The following SSBP2 variants were observed in gnomAD, a reference collection of about 807,000 sequenced individuals.
SSBP2 encodes the protein single stranded DNA binding protein 2, also known as single-stranded DNA-binding protein 2.
Under a neutral mutation model 61.8 loss-of-function variants are expected in SSBP2, and 17 were observed. The ratio of observed to expected loss-of-function variants is 0.28; its 90% CI spans 0.19 to 0.41. The LOEUF is 0.41. Among genes scored for constraint, SSBP2 ranks in the 10% least tolerant of loss-of-function variants. The pLI, the probability that SSBP2 is intolerant of heterozygous loss-of-function variation, is 1.00. For synonymous variants in SSBP2, 139 were observed against 141.3 expected (o/e 0.98, Z 0.12); for missense variants, 310 against 458.7 (o/e 0.68, Z 2.96).
At chr5:81,592,031 C>T (rs531261226) in intron 4 of SSBP2, among the ~76,000 whole-genome samples, 2 of 152,320 alleles carry the variant, frequency 1.3e-5, no homozygotes, top group East Asian at 1.9e-4. Context: ...CGAAGCAGGG[C>T]GAGGCATCGC....
intron 9 of SSBP2, among the ~76,000 whole-genome samples, 157 bp downstream of exon 9, chr5:81,466,817 C>A (rs752995299): frequency 3.3e-5 from 5 of 151,890 alleles, no homozygotes; most frequent in Admixed American, 6.6e-5. Context: ...CATTTTTATA[C>A]CACACAGAGA....
intron 1 of SSBP2, among the ~76,000 whole-genome samples, chr5:81,650,832 C>T (rs1302739393): frequency 1.3e-5 from 2 of 152,098 alleles, no homozygotes; most frequent in African/African-American, 2.4e-5. Flanking sequence ...TCAGCAACTT[C>T]TCCTTATTCT....
intron 3 of SSBP2, among the ~76,000 whole-genome samples, chr5:81,625,016 A>G (rs887358672): frequency 6.6e-6 from 1 of 152,114 alleles, no homozygotes; most frequent in African/African-American, 2.4e-5. Flanking sequence ...AAAATTGCTC[A>G]CTTGCTCAAA....
chr5:81,513,856 T>C (rs1580885339), intron 4 of SSBP2, 139 bp from the exon 5 acceptor site: 1 of 557,462 alleles, frequency 1.8e-6, no homozygotes, highest in South Asian at 2.2e-5. Flanking sequence ...ATCCTAGAAG[T>C]AAACTGAGAT....
At chr5:81,447,745 C>T (rs1165574514) in intron 11 of SSBP2, among the ~76,000 whole-genome samples, 1 of 152,060 alleles carries the variant, frequency 6.6e-6, no homozygotes, top group Non-Finnish European at 1.5e-5. Context: ...TGTATTTGCA[C>T]AACTTAAAAT....
intron 6 of SSBP2, among the ~76,000 whole-genome samples, 173 bp downstream of exon 6, chr5:81,489,077 T>TA (rs1172533399): frequency 6.6e-6 from 1 of 152,036 alleles, no homozygotes; most frequent in African/African-American, 2.4e-5. Flanking sequence ...ACTTTATTTA[T>TA]AAAAAATAGC....
intron 3 of SSBP2, chr5:81,616,008 G>C (rs417684): frequency 0.24 from 37,389 of 153,062 alleles, 6,060 homozygotes; most frequent in East Asian, 0.69. Flanking sequence ...AAATTATATT[G>C]TTTAAACAAA....
At chr5:81,647,662 C>A (rs544698040) in intron 2 of SSBP2, among the ~76,000 whole-genome samples, 5 of 151,992 alleles carry the variant, frequency 3.3e-5, no homozygotes, top group Non-Finnish European at 7.4e-5. Flanking sequence ...TTCAGTTTGA[C>A]GTCTCGTGTG....
intron 4 of SSBP2, among the ~76,000 whole-genome samples, chr5:81,553,374 T>C (rs528012328): frequency 6.6e-6 from 1 of 152,144 alleles, no homozygotes; most frequent in South Asian, 2.1e-4. Context: ...ATAAGGGAAA[T>C]AGCAGGATTG....
intron 14 of SSBP2, among the ~76,000 whole-genome samples, chr5:81,439,107 A>T (rs1358892363): frequency 6.6e-6 from 1 of 152,210 alleles, no homozygotes; most frequent in African/African-American, 2.4e-5. Context: ...GGTTATTGAA[A>T]GATTTTCCAA....
chr5:81,656,052 T>C (rs1210330899), intron 1 of SSBP2, among the ~76,000 whole-genome samples: 1 of 152,138 alleles, frequency 6.6e-6, no homozygotes, highest in Non-Finnish European at 1.5e-5. Flanking sequence ...TAAAGATATA[T>C]AATTTTTTTT....
chr5:81,705,375 T>C (rs1754296669), intron 1 of SSBP2, among the ~76,000 whole-genome samples: 2 of 152,138 alleles, frequency 1.3e-5, no homozygotes, highest in South Asian at 4.1e-4. Context: ...AAGTGATAAG[T>C]AGCAAACCAA....
chr5:81,703,884 G>A (rs1754176431), intron 1 of SSBP2, among the ~76,000 whole-genome samples: 4 of 152,078 alleles, frequency 2.6e-5, no homozygotes, highest in African/African-American at 9.7e-5. Context: ...CTTCCTTACT[G>A]TATTTTGTTT....
chr5:81,580,589 G>C (rs1232300990), intron 4 of SSBP2, among the ~76,000 whole-genome samples: 1 of 151,876 alleles, frequency 6.6e-6, no homozygotes, highest in East Asian at 1.9e-4. Flanking sequence ...ATTATTATTT[G>C]ACCCTAGTAG....
At chr5:81,489,166 A>G (rs1280487257) in intron 6 of SSBP2, 84 bp downstream of exon 6, 2 of 1,248,994 alleles carry the variant, frequency 1.6e-6, no homozygotes, top group East Asian at 2.5e-5. Context: ...GGAGAATTTC[A>G]TATTTTTACA....
chr5:81,496,178 T>C (rs1437152154), intron 5 of SSBP2, among the ~76,000 whole-genome samples: 1 of 152,050 alleles, frequency 6.6e-6, no homozygotes, highest in Admixed American at 6.6e-5. Flanking sequence ...AACCTAGAAG[T>C]TTTAAAACTT....
intron 4 of SSBP2, among the ~76,000 whole-genome samples, chr5:81,555,295 T>C (rs1772507605): frequency 6.6e-6 from 1 of 152,032 alleles, no homozygotes; most frequent in Admixed American, 6.6e-5. Flanking sequence ...ATCTGTATCT[T>C]AGGAAATAAG....
chr5:81,648,538 G>T (rs1027261624), intron 2 of SSBP2, among the ~76,000 whole-genome samples: 2 of 152,032 alleles, frequency 1.3e-5, no homozygotes, highest in African/African-American at 4.8e-5. Flanking sequence ...TATACCTCAG[G>T]CAGGGAACTA....
chr5:81,644,423 G>C (rs563446606), intron 2 of SSBP2, among the ~76,000 whole-genome samples: 4 of 152,144 alleles, frequency 2.6e-5, no homozygotes, highest in Non-Finnish European at 5.9e-5. Flanking sequence ...CGGGGGTCTG[G>C]AAGGATTCAG....
Sources: gnomAD v4.1 joint callset for allele counts (sites outside exome capture counted in the v4.1 genomes callset) on GRCh38, gnomAD v4.1.1 for gene constraint, MANE v1.5 for transcripts, NCBI Gene and HGNC (gene_info 2026-07-23, HGNC 2026-07-21) for gene names.